Variants in MACROD2 observed in about 807,000 individuals in gnomAD.
MACROD2 encodes the protein mono-ADP ribosylhydrolase 2, also known as ADP-ribose glycohydrolase MACROD2.
A neutral mutation model predicts 70.4 loss-of-function variants in MACROD2; 36 were observed. The ratio of observed to expected loss-of-function variants is 0.51; its 90% CI spans 0.39 to 0.68. MACROD2 has a LOEUF of 0.68. Among genes scored for constraint, MACROD2 ranks in the 30% least tolerant of loss-of-function variants. The probability of loss-of-function intolerance (pLI) is 0.00; values close to 1 mark genes in which losing one functional copy is unlikely to be tolerated. For synonymous variants in MACROD2, 172 were observed against 178.8 expected (o/e 0.96, Z 0.30); for missense variants, 496 against 538.4 (o/e 0.92, Z 0.78).
intron 5 of MACROD2, among the ~76,000 whole-genome samples, chr20:14,709,249 A>G (rs895385693): frequency 2.0e-5 from 3 of 151,904 alleles, no homozygotes; most frequent in African/African-American, 4.8e-5. Context: ...AGTCAAAAAT[A>G]TATTCCTGAG....
rs1160423822 is a variant in MACROD2, at chr20:15,270,417, TA to T, written c.540+40358del. Among the ~76,000 whole-genome samples the T allele has an allele frequency of 3.9e-5, 6 of 152,210 alleles. No individual in the cohort carries two copies. The East Asian group carries it at 1.2e-3, about 29-fold the overall frequency. On this transcript the variant is annotated intron_variant, in intron 6 of 17. Transcript: ENST00000684519. ...TAATATTAACAAAAAGACAGAAATA[TA>T]ATAATGGAGAACAGATGAGTGACTG...
intron 5 of MACROD2, among the ~76,000 whole-genome samples, chr20:15,198,727 G>A (rs1324030481): frequency 6.6e-6 from 1 of 152,046 alleles, no homozygotes; most frequent in African/African-American, 2.4e-5. Flanking sequence ...ATAGAATCCT[G>A]TGAGGGCAAT....
intron 4 of MACROD2, among the ~76,000 whole-genome samples, chr20:14,596,280 C>T (rs1450472394): frequency 1.3e-5 from 2 of 151,358 alleles, no homozygotes; most frequent in Non-Finnish European, 2.9e-5. Context: ...TTAGTAGAGA[C>T]GGGGTTTCAC....
At chr20:15,508,483 A>G (rs756144961) in intron 8 of MACROD2, among the ~76,000 whole-genome samples, 2 of 152,184 alleles carry the variant, frequency 1.3e-5, no homozygotes, top group African/African-American at 4.8e-5. Context: ...GATGTGTCCC[A>G]TGGCAGAGGC....
chr20:14,580,252 A>C (rs1980919205), intron 4 of MACROD2, among the ~76,000 whole-genome samples: 1 of 152,176 alleles, frequency 6.6e-6, no homozygotes, highest in Admixed American at 6.5e-5. Context: ...TTAATTGCTG[A>C]GCAAAATCCC....
chr20:14,690,814 G>A (rs1051975804), intron 5 of MACROD2, among the ~76,000 whole-genome samples: 3 of 152,176 alleles, frequency 2.0e-5, no homozygotes, highest in African/African-American at 7.2e-5. Flanking sequence ...TTGAGTTGTA[G>A]CTACAGGGAT....
At chr20:15,734,735 T>G (rs958531008) in intron 8 of MACROD2, among the ~76,000 whole-genome samples, 5 of 152,212 alleles carry the variant, frequency 3.3e-5, no homozygotes, top group African/African-American at 1.2e-4. Context: ...GAAATTTCCT[T>G]TAATTAACTA....
At chr20:14,514,723 G>C (rs890341937) in intron 4 of MACROD2, among the ~76,000 whole-genome samples, 1 of 152,024 alleles carries the variant, frequency 6.6e-6, no homozygotes, top group Non-Finnish European at 1.5e-5. Context: ...GTGTTGAATG[G>C]CGCCAATACC....
At chr20:14,140,915 AT>A (rs2054864910) in intron 3 of MACROD2, among the ~76,000 whole-genome samples, 2 of 152,296 alleles carry the variant, frequency 1.3e-5, no homozygotes, top group South Asian at 4.2e-4. Context: ...AATTTACCAC[AT>A]TTTGGCATTA....
chr20:14,872,685 C>CA (rs2073502266), intron 5 of MACROD2, among the ~76,000 whole-genome samples: 1 of 151,988 alleles, frequency 6.6e-6, no homozygotes, highest in Non-Finnish European at 1.5e-5. Flanking sequence ...TGAAAATTAG[C>CA]AAAAAATATA....
intron 10 of MACROD2, among the ~76,000 whole-genome samples, chr20:15,907,270 A>G (rs761660123): frequency 6.6e-5 from 10 of 152,214 alleles, no homozygotes; most frequent in Non-Finnish European, 1.0e-4. Flanking sequence ...TGATGGTTCA[A>G]TGTGGGGAAC....
At chr20:14,668,813 G>A (rs6110383) in intron 4 of MACROD2, among the ~76,000 whole-genome samples, 6,179 of 150,880 alleles carry the variant, frequency 0.041, 138 homozygotes, top group Admixed American at 0.046. Context: ...AAGTTATGAG[G>A]GCAAAATCTT....
In MACROD2 at chr20:14,845,589, C is replaced by A. The variant is rs1371533188; in HGVS notation, c.418+160630C>A. Among the ~76,000 whole-genome samples the A allele has an allele frequency of 1.3e-5, 2 of 152,026 alleles. 1 individual carries two copies. The highest frequency in any genetic ancestry group is 2.9e-5 in the Non-Finnish European group (2 of 67,992). ...TCTCCAGCAAACCCAATTACTCTCC[C>A]AGCAATGCACTTCAAAGGAGAGCAG... On this transcript the variant is annotated intron_variant, in intron 5 of 17. Transcript: ENST00000684519.
chr20:14,090,561 A>G lies in MACROD2; in HGVS notation c.271+4833A>G, dbSNP rs1444137066. Among the ~76,000 whole-genome samples the G allele has an allele frequency of 5.3e-5, 6 of 112,372 alleles. No homozygotes were observed. In the East Asian group the frequency reaches 1.7e-3, roughly 32 times the overall value. 73.7% of individuals were successfully genotyped at this position (112,372 alleles called of 152,430 possible). ...GCACTCTAGCCTAGGCAACAGAGCA[A>G]GACTCCGTGTCAAAAAAAAAAAAAA... On this transcript the variant is annotated intron_variant, in intron 3 of 17. Transcript: ENST00000684519.
chr20:15,421,090 A>T (rs2046221424), intron 6 of MACROD2, among the ~76,000 whole-genome samples: 1 of 152,182 alleles, frequency 6.6e-6, no homozygotes, highest in Admixed American at 6.5e-5. Context: ...TTCCTCTAAA[A>T]AAAACACAAG....
In MACROD2 at chr20:15,917,824, T is replaced by C. The variant is rs138381389; in HGVS notation, c.776-15452T>C. Among the ~76,000 whole-genome samples the C allele has an allele frequency of 7.2e-4, 109 of 151,782 alleles. 4 individuals are homozygous for C. In the East Asian group the frequency reaches 0.019, roughly 26 times the overall value. On this transcript the variant is annotated intron_variant, in intron 10 of 17. Transcript: ENST00000684519. Reference sequence around the variant, plus strand: ...AAAATGTATTAACATGTATGTGTGATTAATGAATTCATACTAAAAGAGGGA... The same window carrying C: ...AAAATGTATTAACATGTATGTGTGACTAATGAATTCATACTAAAAGAGGGA...
intron 3 of MACROD2, among the ~76,000 whole-genome samples, chr20:14,086,534 G>A (rs1210626289): frequency 2.0e-5 from 3 of 152,170 alleles, no homozygotes; most frequent in Non-Finnish European, 4.4e-5. Context: ...TTTCAATAGG[G>A]GGAGGCAGAA....
intron 5 of MACROD2, among the ~76,000 whole-genome samples, chr20:14,745,282 A>G (rs142708446): frequency 4.6e-5 from 7 of 152,296 alleles, no homozygotes; most frequent in Middle Eastern, 3.4e-3. Flanking sequence ...TACCCTTTGA[A>G]TAGATTCTGA....
intron 5 of MACROD2, among the ~76,000 whole-genome samples, chr20:15,146,336 CTTAT>C (rs1333694296): frequency 6.6e-6 from 1 of 152,056 alleles, no homozygotes; most frequent in Non-Finnish European, 1.5e-5. Context: ...TGTTCTGATC[CTTAT>C]TTATTTACTT....
Sources: allele counts gnomAD v4.1 joint callset (sites outside exome capture counted in the v4.1 genomes callset), GRCh38; gene constraint gnomAD v4.1.1; transcripts MANE v1.5; gene names NCBI Gene and HGNC (gene_info 2026-07-23, HGNC 2026-07-21).